RIMS2: variants seen among roughly 807,000 people sequenced by gnomAD.
The protein encoded by RIMS2 is regulating synaptic membrane exocytosis protein 2.
A neutral mutation model predicts 174.4 loss-of-function variants in RIMS2; 59 were observed. The observed-to-expected ratio is 0.34, with a 90% confidence interval of 0.27 to 0.42. The LOEUF is 0.42. RIMS2 is among the 10% of genes least tolerant of loss of function. RIMS2 has a pLI of 1.00. For synonymous variants in RIMS2, 606 were observed against 572.5 expected, an observed-to-expected ratio of 1.06 and a Z score of -0.84; for missense variants, 1,620 against 1,666.3, an observed-to-expected ratio of 0.97 and a Z score of 0.48.
intron 1 of RIMS2, among the ~76,000 whole-genome samples, chr8:103,542,165 C>T (rs976407001): frequency 8.1e-4 from 124 of 152,232 alleles, no homozygotes; most frequent in African/African-American, 2.8e-3. Context: ...GATATTCCAA[C>T]TCAGACCACA....
intron 3 of RIMS2, among the ~76,000 whole-genome samples, chr8:103,883,941 A>G (rs2099184748): frequency 6.6e-6 from 1 of 151,864 alleles, no homozygotes; most frequent in Non-Finnish European, 1.5e-5. Flanking sequence ...TTGTCTTTGC[A>G]TCTTCAGGCT....
intron 3 of RIMS2, among the ~76,000 whole-genome samples, chr8:103,825,214 A>G (rs1275793640): frequency 6.6e-6 from 1 of 152,112 alleles, no homozygotes; most frequent in Non-Finnish European, 1.5e-5. Context: ...AACTTCACAT[A>G]ATGAAATTTT....
intron 10 of RIMS2, among the ~76,000 whole-genome samples, chr8:103,924,729 T>C (rs1170623194): frequency 2.0e-5 from 3 of 151,716 alleles, no homozygotes; most frequent in Non-Finnish European, 4.4e-5. Flanking sequence ...TATATACATA[T>C]AATATCATTC....
At chr8:104,212,026 T>A (rs2099107879) in intron 19 of RIMS2, among the ~76,000 whole-genome samples, 1 of 152,256 alleles carries the variant, frequency 6.6e-6, no homozygotes, top group East Asian at 1.9e-4. Context: ...TTTTTGTTGT[T>A]TGAGCAACTA....
At chr8:103,552,689 C>G (rs1848564822) in intron 1 of RIMS2, among the ~76,000 whole-genome samples, 1 of 152,170 alleles carries the variant, frequency 6.6e-6, no homozygotes. Flanking sequence ...TCTTTACAAT[C>G]TACCCATATG....
At chr8:104,162,356 CT>C (rs150469310) in intron 19 of RIMS2, among the ~76,000 whole-genome samples, 2,582 of 152,002 alleles carry the variant, frequency 0.017, 79 homozygotes, top group African/African-American at 0.059. Flanking sequence ...AAGATTTAAG[CT>C]TTTTTTCTAA....
At chr8:104,210,668 A>T (rs535823606) in intron 19 of RIMS2, among the ~76,000 whole-genome samples, 1 of 152,218 alleles carries the variant, frequency 6.6e-6, no homozygotes, top group East Asian at 1.9e-4. Context: ...TTGCCCATAG[A>T]CTTCTGGATT....
At position 103,651,588 on chromosome 8, in the gene RIMS2, A is replaced by G. The variant is rs764495381; in HGVS notation, c.177-45498A>G. ...TGACTTGATTATTATAGTTATTTCT[A>G]TACTATTTATTTAAATTCATTTTCA... On this transcript the variant is annotated intron_variant, in intron 1 of 23. Coordinates refer to ENST00000504942, the Ensembl canonical transcript of RIMS2. Among the ~76,000 whole-genome samples, 128 of 152,308 alleles carry G rather than the reference A, an allele frequency of 8.4e-4. No homozygotes were observed. In the Middle Eastern group the frequency reaches 0.024, roughly 28 times the overall value.
chr8:103,594,827 T>G (rs1331483668), intron 1 of RIMS2, among the ~76,000 whole-genome samples: 2 of 151,798 alleles, frequency 1.3e-5, no homozygotes, highest in Non-Finnish European at 3.0e-5. Context: ...TGCCTAACCT[T>G]CATTTACAAT....
rs551633703 is a variant in RIMS2, at chr8:103,517,112, A to T, written c.176+16050A>T. 5.3e-5 allele frequency among the ~76,000 whole-genome samples: 8 copies of T among 152,312 alleles called. No individual in the cohort carries two copies. In the South Asian group the frequency reaches 1.7e-3, roughly 32 times the overall value. ...CTTGAGGTGCTTATAATTTAGTGGTAAAGAGTCATGTAAATAAATAATCCA... is the reference window on the plus strand; with the variant it reads ...CTTGAGGTGCTTATAATTTAGTGGTTAAGAGTCATGTAAATAAATAATCCA... On this transcript the variant is annotated intron_variant, in intron 1 of 23. Transcript: ENST00000504942.
At chr8:104,190,437 G>A (rs2098991682) in intron 19 of RIMS2, among the ~76,000 whole-genome samples, 1 of 152,004 alleles carries the variant, frequency 6.6e-6, no homozygotes, top group Non-Finnish European at 1.5e-5. Context: ...TTCATCCAAA[G>A]GTCTAGTTCT....
At chr8:104,225,683 A>G (rs942998619) in intron 19 of RIMS2, among the ~76,000 whole-genome samples, 4 of 151,926 alleles carry the variant, frequency 2.6e-5, no homozygotes, top group Non-Finnish European at 4.4e-5. Context: ...ACTAATCCCA[A>G]AGGAAATTCC....
At chr8:103,551,260 T>C (rs1847763664) in intron 1 of RIMS2, among the ~76,000 whole-genome samples, 1 of 152,210 alleles carries the variant, frequency 6.6e-6, no homozygotes, top group Non-Finnish European at 1.5e-5. Context: ...CACGATCAAG[T>C]GGGCTTCATC....
At chr8:103,834,676 T>TTTCCTTTCTTTC (rs2098847912) in intron 3 of RIMS2, among the ~76,000 whole-genome samples, 1 of 120,012 alleles carries the variant, frequency 8.3e-6, no homozygotes. Flanking sequence ...TCTGAGGTCT[T>TTTCCTTTCTTTC]TTTCTTTCTT....
chr8:104,082,161 G>A lies in RIMS2; in HGVS notation c.3334+67546G>A, dbSNP rs1402302412. On this transcript the variant is annotated intron_variant, in intron 19 of 23. Transcript: ENST00000504942. Reference sequence around the variant, plus strand: ...GAATAACAATAAAATGAAGGAAATAGTGAGTAAAGAAGGAATAAAGGACGG... The same window carrying A: ...GAATAACAATAAAATGAAGGAAATAATGAGTAAAGAAGGAATAAAGGACGG... 2.6e-5 allele frequency among the ~76,000 whole-genome samples: 4 copies of A among 151,646 alleles called. No homozygotes were observed. In the East Asian group the frequency reaches 7.7e-4, roughly 29 times the overall value.
chr8:104,201,012 C>T (rs990707605), intron 19 of RIMS2, among the ~76,000 whole-genome samples: 2 of 152,136 alleles, frequency 1.3e-5, no homozygotes, highest in Admixed American at 6.5e-5. Context: ...AGAAGGTACA[C>T]GTGTAGGTTT....
chr8:103,849,272 T>C (rs373550958), intron 3 of RIMS2, among the ~76,000 whole-genome samples: 10 of 152,198 alleles, frequency 6.6e-5, no homozygotes, highest in African/African-American at 2.4e-4. Flanking sequence ...CTTCCTAGTG[T>C]CTGTCTCTAG....
intron 19 of RIMS2, among the ~76,000 whole-genome samples, chr8:104,044,003 G>T (rs1489284379): frequency 1.3e-5 from 2 of 151,632 alleles, no homozygotes; most frequent in African/African-American, 4.8e-5. Flanking sequence ...TACCAAGAAT[G>T]CTGATACCGT....
intron 21 of RIMS2, among the ~76,000 whole-genome samples, chr8:104,249,084 A>G (rs1018902197): frequency 6.8e-6 from 1 of 146,590 alleles, no homozygotes; most frequent in African/African-American, 2.6e-5. Context: ...ACACGCCACC[A>G]TAACCAGCAA....
Sources: allele counts gnomAD v4.1 joint callset (sites outside exome capture counted in the v4.1 genomes callset), GRCh38; gene constraint gnomAD v4.1.1; transcripts MANE v1.5; gene names NCBI Gene and HGNC (gene_info 2026-07-23, HGNC 2026-07-21).